The following TMEFF1 variants were observed in gnomAD, a reference collection of about 807,000 sequenced individuals.
TMEFF1 encodes the protein tomoregulin-1.
Under a neutral mutation model 47.5 loss-of-function variants are expected in TMEFF1, and 20 were observed. The ratio of observed to expected loss-of-function variants is 0.42; its 90% CI spans 0.30 to 0.61. The LOEUF is 0.61. Among genes scored for constraint, TMEFF1 ranks in the 20% least tolerant of loss-of-function variants. The pLI is 0.19. For missense variants in TMEFF1, 411 were observed against 471.1 expected, an observed-to-expected ratio of 0.87 and a Z score of 1.18; for synonymous variants, 162 against 166.3, an observed-to-expected ratio of 0.97 and a Z score of 0.20.
chr9:100,549,752 A>C (rs1838798706), intron 6 of TMEFF1, among the ~76,000 whole-genome samples: 1 of 152,220 alleles, frequency 6.6e-6, no homozygotes, highest in African/African-American at 2.4e-5. Flanking sequence ...AGGAGAAGGT[A>C]AATCTTGAGG....
At chr9:100,521,561 C>T (rs1166626529) in intron 5 of TMEFF1, among the ~76,000 whole-genome samples, 1 of 152,186 alleles carries the variant, frequency 6.6e-6, no homozygotes, top group East Asian at 1.9e-4. Flanking sequence ...CCCTCACTTT[C>T]TAAACAGTAT....
intron 5 of TMEFF1, among the ~76,000 whole-genome samples, chr9:100,546,459 C>G (rs1169111141): frequency 1.3e-5 from 2 of 150,808 alleles, no homozygotes; most frequent in African/African-American, 4.9e-5. Flanking sequence ...TCCCACAACA[C>G]ACGGGAATTG....
chr9:100,493,695 G>A (rs1487805931), intron 1 of TMEFF1, among the ~76,000 whole-genome samples: 2 of 152,090 alleles, frequency 1.3e-5, no homozygotes, highest in Admixed American at 6.5e-5. Flanking sequence ...TGGCTCATCC[G>A]TTTTACTGAA....
At chr9:100,483,112 C>G (rs1466730383) in intron 1 of TMEFF1, among the ~76,000 whole-genome samples, 1 of 152,092 alleles carries the variant, frequency 6.6e-6, no homozygotes, top group Admixed American at 6.6e-5. Context: ...TTGTGAAACA[C>G]ATGAATTTAT....
chr9:100,518,932 T>C (rs1838115537), intron 5 of TMEFF1, among the ~76,000 whole-genome samples: 1 of 152,196 alleles, frequency 6.6e-6, no homozygotes, highest in Non-Finnish European at 1.5e-5. Context: ...TGCAGAAATA[T>C]GACATTAGCC....
chr9:100,544,489 T>G (rs1269215245), intron 5 of TMEFF1, among the ~76,000 whole-genome samples: 1 of 152,174 alleles, frequency 6.6e-6, no homozygotes, highest in African/African-American at 2.4e-5. Context: ...CCCACCCCCA[T>G]AATTCAGTCA....
chr9:100,575,332 CAG>C (rs1839330664), intron 9 of TMEFF1, among the ~76,000 whole-genome samples: 1 of 152,086 alleles, frequency 6.6e-6, no homozygotes, highest in Non-Finnish European at 1.5e-5. Context: ...CATAGAATGA[CAG>C]ATTGTCAGGA....
At chr9:100,548,544 A>G (rs952815066) in intron 6 of TMEFF1, among the ~76,000 whole-genome samples, 8 of 152,202 alleles carry the variant, frequency 5.3e-5, no homozygotes, top group African/African-American at 1.9e-4. Context: ...TAATATTCAG[A>G]TGAGTTGGGA....
chr9:100,519,265 G>T (rs1345999351), intron 5 of TMEFF1, among the ~76,000 whole-genome samples: 1 of 151,942 alleles, frequency 6.6e-6, no homozygotes, highest in Non-Finnish European at 1.5e-5. Flanking sequence ...AAAATTAGCT[G>T]GGTGTGGTGG....
At chr9:100,504,101 A>G (rs1837814202) in intron 2 of TMEFF1, among the ~76,000 whole-genome samples, 1 of 152,198 alleles carries the variant, frequency 6.6e-6, no homozygotes, top group Non-Finnish European at 1.5e-5. Flanking sequence ...ACATCATCAC[A>G]TTCTTCTAGC....
At position 100,577,444 on chromosome 9, in the gene TMEFF1, C is replaced by G. The variant is rs1192411028; in HGVS notation, c.*844C>G. ...TCCAAGACGTATATCCAAATTTGTC[C>G]TGTAGTAATAGATTAATATTCATAG... On this transcript the variant is annotated 3_prime_UTR_variant, in exon 10 of 10. Transcript: ENST00000374879. 1 of 152,420 alleles carries G rather than the reference C, an allele frequency of 6.6e-6. No individual in the cohort carries two copies. Among genetic ancestry groups the G allele is most frequent in the African/African-American group, 2.4e-5 (1 of 41,392 alleles). The allele number at this position is 152,420 out of a possible 1,614,324, so 9.4% of individuals were successfully genotyped here. A position where few individuals can be genotyped will look rare whatever the true frequency, so the allele number is the denominator to read the frequency against.
At chr9:100,474,582 C>T (rs928928302) in intron 1 of TMEFF1, among the ~76,000 whole-genome samples, 9 of 151,908 alleles carry the variant, frequency 5.9e-5, no homozygotes, top group Non-Finnish European at 1.3e-4. Context: ...GAGTCATCAT[C>T]CTGTGTAGGG....
At chr9:100,561,215 A>G (rs1430242893) in intron 7 of TMEFF1, among the ~76,000 whole-genome samples, 182 bp from the exon 8 acceptor site, 1 of 152,252 alleles carries the variant, frequency 6.6e-6, no homozygotes, top group East Asian at 1.9e-4. Context: ...TGTTTATGGC[A>G]TAATAGGAAT....
At chr9:100,548,193 AT>A (rs1838771810) in intron 6 of TMEFF1, among the ~76,000 whole-genome samples, 1 of 152,118 alleles carries the variant, frequency 6.6e-6, no homozygotes. Context: ...ATTTGGAATG[AT>A]TATAGCTATT....
intron 5 of TMEFF1, among the ~76,000 whole-genome samples, chr9:100,539,501 T>G (rs1184208685): frequency 6.6e-6 from 1 of 152,090 alleles, no homozygotes; most frequent in Non-Finnish European, 1.5e-5. Flanking sequence ...TCTTCAGGAG[T>G]GAAGCTGCAG....
intron 5 of TMEFF1, among the ~76,000 whole-genome samples, chr9:100,518,097 A>T (rs925586131): frequency 6.6e-6 from 1 of 152,108 alleles, no homozygotes; most frequent in African/African-American, 2.4e-5. Flanking sequence ...TCATGCCTAA[A>T]TTTAAAAAGA....
rs960811974 is a variant in TMEFF1 at position 100,546,519 on chromosome 9, C to T, written c.561-1225C>T. Among the ~76,000 whole-genome samples, 20 of 151,938 alleles carry T rather than the reference C, an allele frequency of 1.3e-4. 1 individual carries two copies. Among genetic ancestry groups the T allele is most frequent in the African/African-American group, 4.6e-4 (19 of 41,436 alleles). On this transcript the variant is annotated intron_variant, in intron 5 of 9. Transcript: ENST00000374879. ...TTTGGGTAAGGACACAGCCAAACCA[C>T]ATCAGGCCTGCAAAGCCAAAAAATT...
rs190214988 is a variant in TMEFF1 at position 100,508,331 on chromosome 9, T to C, written c.307-674T>C. On this transcript the variant is annotated intron_variant, in intron 2 of 9. Coordinates refer to ENST00000374879, the MANE Select transcript of TMEFF1 (RefSeq NM_003692.5). ...TCCAGTGTCATTTCTCAAACCTGTA[T>C]TACCTTTTTTCTTCTTCACCTGTCT... 3.3e-5 allele frequency among the ~76,000 whole-genome samples: 5 copies of C among 152,300 alleles called. No homozygotes were observed. The East Asian group carries it at 5.8e-4, about 18-fold the overall frequency.
intron 8 of TMEFF1, among the ~76,000 whole-genome samples, chr9:100,564,611 TG>T (rs548269672): frequency 3.9e-5 from 6 of 152,116 alleles, no homozygotes; most frequent in African/African-American, 1.4e-4. Flanking sequence ...TGAAGATGGG[TG>T]GGGGACATTG....
Sources: allele counts gnomAD v4.1 joint callset (sites outside exome capture counted in the v4.1 genomes callset), GRCh38; gene constraint gnomAD v4.1.1; transcripts MANE v1.5; gene names NCBI Gene and HGNC (gene_info 2026-07-23, HGNC 2026-07-21).